The following MCPH1 variants were observed in gnomAD, a reference collection of about 807,000 sequenced individuals.
The protein encoded by MCPH1 is microcephalin 1.
A neutral mutation model predicts 84.5 loss-of-function variants in MCPH1; 104 were observed. The ratio of observed to expected loss-of-function variants is 1.23; its 90% CI spans 1.05 to 1.45. The LOEUF (loss-of-function observed/expected upper bound fraction) is 1.45. Among genes scored for constraint, MCPH1 ranks in the 40% most tolerant of loss-of-function variants. The pLI is 0.00. For missense variants in MCPH1, 1,498 were observed against 1,005.7 expected (o/e 1.49, Z -6.62); for synonymous variants, 514 against 366.8 (o/e 1.40, Z -4.58).
At chr8:6,492,074 C>G (rs1810663513) in intron 11 of MCPH1, among the ~76,000 whole-genome samples, 1 of 152,206 alleles carries the variant, frequency 6.6e-6, no homozygotes, top group African/African-American at 2.4e-5. Flanking sequence ...AATGGTTGAA[C>G]TAGTTTACAG....
At chr8:6,625,231 C>T (rs1282321405) in intron 13 of MCPH1, 7 of 985,332 alleles carry the variant, frequency 7.1e-6, no homozygotes, top group Non-Finnish European at 8.4e-6. Flanking sequence ...AGAGTCATAG[C>T]CTCCACCTTG....
rs528278025 is a variant in MCPH1 at position 6,520,476 on chromosome 8, T to C, written c.2214+20547T>C. On this transcript the variant is annotated intron_variant, in intron 12 of 13. Transcript: ENST00000344683. ...CAGTGACACATCTCAGCTTACCGCA[T>C]CCTCCTCCTCCCAGGTTTAAGTGAT... Among the ~76,000 whole-genome samples, 369 of 150,774 alleles carry C rather than the reference T, an allele frequency of 2.4e-3. 1 individual carries two copies. Among genetic ancestry groups the C allele is most frequent in the Non-Finnish European group, 4.2e-3 (284 of 67,986 alleles).
intron 11 of MCPH1, among the ~76,000 whole-genome samples, chr8:6,497,402 C>G (rs534872631): frequency 2.6e-5 from 4 of 152,108 alleles, no homozygotes; most frequent in Non-Finnish European, 5.9e-5. Flanking sequence ...ACACAGGAGG[C>G]TGAGTCAGGA....
chr8:6,472,794 T>C (rs1807921140), intron 9 of MCPH1, among the ~76,000 whole-genome samples: 1 of 152,144 alleles, frequency 6.6e-6, no homozygotes, highest in Admixed American at 6.5e-5. Context: ...ACAAAATATA[T>C]CATTTAGGAT....
Position 6,406,697 on chromosome 8 carries a change from A to G in MCPH1, c.22+8A>G. The G allele has an allele frequency of 6.2e-7, 1 of 1,611,792 alleles. No individual in the cohort carries two copies. Among genetic ancestry groups the G allele is most frequent in the Non-Finnish European group, 8.5e-7 (1 of 1,179,354 alleles). On this transcript the variant is annotated splice_region_variant and intron_variant, in intron 1 of 13. Transcript: ENST00000344683. ...CGGCCCCCATCCTGAAAGGTGAGGTACTTCCTGCTGCCTGCTCCAGCAGCG... is the reference window on the plus strand; with the variant it reads ...CGGCCCCCATCCTGAAAGGTGAGGTGCTTCCTGCTGCCTGCTCCAGCAGCG...
chr8:6,469,518 T>C (rs969782085), intron 9 of MCPH1, among the ~76,000 whole-genome samples: 3 of 152,242 alleles, frequency 2.0e-5, no homozygotes, highest in Admixed American at 6.5e-5. Flanking sequence ...TCAAAATTTA[T>C]ATAAATATAT....
intron 12 of MCPH1, among the ~76,000 whole-genome samples, chr8:6,553,335 G>A (rs1037110264): frequency 6.6e-6 from 1 of 152,098 alleles, no homozygotes; most frequent in African/African-American, 2.4e-5. Context: ...ACAACAAAAT[G>A]TTATTGTGTA....
At chr8:6,534,023 C>T (rs1311408218) in intron 12 of MCPH1, among the ~76,000 whole-genome samples, 2 of 152,054 alleles carry the variant, frequency 1.3e-5, no homozygotes, top group African/African-American at 2.4e-5. Context: ...CGACTCTGCC[C>T]CACTTCTCTA....
Position 6,644,017 on chromosome 8 carries a change from G to A in MCPH1, c.*968G>A, listed in dbSNP as rs1162985779. On this transcript the variant is annotated 3_prime_UTR_variant, in exon 14 of 14. Coordinates refer to ENST00000344683, the MANE Select transcript of MCPH1 (RefSeq NM_024596.5). ...TGTCATCCCAGCCCTTTGGGAGGCTGAGGTGGACAGATCACTTGAGGTCAG... is the reference window on the plus strand; with the variant it reads ...TGTCATCCCAGCCCTTTGGGAGGCTAAGGTGGACAGATCACTTGAGGTCAG... 6.6e-6 allele frequency: 1 copy of A among 152,232 alleles called. No homozygotes were observed. Among genetic ancestry groups the A allele is most frequent in the Non-Finnish European group, 1.5e-5 (1 of 68,104 alleles). 9.4% of individuals were successfully genotyped at this position (152,232 alleles called of 1,614,324 possible).
At position 6,489,381 on chromosome 8, in the gene MCPH1, A is replaced by G. The variant is rs535904551; in HGVS notation, c.2136+8505A>G. On this transcript the variant is annotated intron_variant, in intron 11 of 13. Coordinates refer to ENST00000344683, the MANE Select transcript of MCPH1 (RefSeq NM_024596.5). Reference sequence around the variant, plus strand: ...GGGGGAGACACCAGGGGAACATGGCATCAGTCAGAAGGGGGACTGTCTCAG... The same window carrying G: ...GGGGGAGACACCAGGGGAACATGGCGTCAGTCAGAAGGGGGACTGTCTCAG... Among the ~76,000 whole-genome samples, 10 of 152,204 alleles carry G rather than the reference A, an allele frequency of 6.6e-5. No individual in the cohort carries two copies. The East Asian group carries it at 1.4e-3, about 21-fold the overall frequency.
intron 8 of MCPH1, among the ~76,000 whole-genome samples, chr8:6,447,989 C>T (rs1804647988): frequency 6.6e-6 from 1 of 152,124 alleles, no homozygotes; most frequent in Admixed American, 6.5e-5. Context: ...TCCATCTCCT[C>T]ACTTGCCTCT....
intron 3 of MCPH1, among the ~76,000 whole-genome samples, chr8:6,425,232 A>AG (rs1320662947): frequency 6.6e-6 from 1 of 152,230 alleles, no homozygotes; most frequent in Non-Finnish European, 1.5e-5. Flanking sequence ...AGGCAGCAGC[A>AG]GGTCAAATAG....
intron 11 of MCPH1, among the ~76,000 whole-genome samples, chr8:6,486,330 C>T (rs1809920808): frequency 6.6e-6 from 1 of 151,790 alleles, no homozygotes; most frequent in Non-Finnish European, 1.5e-5. Context: ...CGTCCTCCTC[C>T]TTCTAACCCT....
chr8:6,550,555 C>T (rs1033342355), intron 12 of MCPH1, among the ~76,000 whole-genome samples: 9 of 152,292 alleles, frequency 5.9e-5, no homozygotes, highest in Admixed American at 5.9e-4. Flanking sequence ...TGTTCCCACT[C>T]GGGGTGAGGG....
At chr8:6,436,290 A>T (rs1288639874) in intron 5 of MCPH1, 128 bp downstream of exon 5, 5 of 1,057,422 alleles carry the variant, frequency 4.7e-6, no homozygotes, top group Non-Finnish European at 2.7e-6. Flanking sequence ...TCTATGAAGG[A>T]GAAAACAAAA....
intron 11 of MCPH1, among the ~76,000 whole-genome samples, chr8:6,490,472 T>C (rs1332785470): frequency 6.6e-6 from 1 of 152,226 alleles, no homozygotes; most frequent in East Asian, 1.9e-4. Context: ...AGGAACATCA[T>C]ACTTCTCTTA....
rs1281475708 is a variant in MCPH1, at chr8:6,643,646, A to G, written c.*597A>G. ...CAATGACATTGTTTTATTACTGAGA[A>G]CAACTAGAGAACTCTGCAAGTTTCT... On this transcript the variant is annotated 3_prime_UTR_variant, in exon 14 of 14. Coordinates refer to ENST00000344683, the MANE Select transcript of MCPH1 (RefSeq NM_024596.5). 1 of 156,018 alleles carries G rather than the reference A, an allele frequency of 6.4e-6. No individual in the cohort carries two copies. The highest frequency in any genetic ancestry group is 1.4e-5 in the Non-Finnish European group (1 of 70,338). 9.7% of individuals were successfully genotyped at this position (156,018 alleles called of 1,614,324 possible). A position where few individuals can be genotyped will look rare whatever the true frequency, so the allele number is the denominator to read the frequency against.
At chr8:6,619,415 C>T (rs923137804) in intron 12 of MCPH1, among the ~76,000 whole-genome samples, 13 of 152,226 alleles carry the variant, frequency 8.5e-5, no homozygotes, top group Admixed American at 5.2e-4. Context: ...CTCAGCCTCC[C>T]GAGTAGCTGG....
At chr8:6,488,490 C>T (rs1489108018) in intron 11 of MCPH1, among the ~76,000 whole-genome samples, 1 of 152,172 alleles carries the variant, frequency 6.6e-6, no homozygotes, top group East Asian at 1.9e-4. Context: ...GATGCAACCA[C>T]AGGCTTGATT....
Sources: allele counts gnomAD v4.1 joint callset (sites outside exome capture counted in the v4.1 genomes callset), GRCh38; gene constraint gnomAD v4.1.1; transcripts MANE v1.5; gene names NCBI Gene and HGNC (gene_info 2026-07-23, HGNC 2026-07-21).